The following SPMIP2 variants were observed in gnomAD, a reference collection of about 807,000 sequenced individuals.
The protein encoded by SPMIP2 is sperm microtubule inner protein 2, also known as protein SPMIP2.
At chr4:159,054,303 C>A in the SPMIP2 span, among the ~76,000 whole-genome samples, 1 of 152,126 alleles carries the variant, frequency 6.6e-6, no homozygotes, top group Admixed American at 6.6e-5. Flanking sequence ...ACTATTTCAG[C>A]AATTTTTTTC....
the SPMIP2 span, chr4:159,007,197 G>A: frequency 8.5e-6 from 11 of 1,300,136 alleles, no homozygotes; most frequent in Admixed American, 1.7e-5. Context: ...ATCTTTTCCA[G>A]GAGGCTGAGG....
the SPMIP2 span, among the ~76,000 whole-genome samples, chr4:158,920,899 C>T: frequency 6.6e-6 from 1 of 152,230 alleles, no homozygotes; most frequent in Non-Finnish European, 1.5e-5. Context: ...CCCTCCCCTT[C>T]TGAAACCCTT....
chr4:158,969,162 ATT>A, the SPMIP2 span, among the ~76,000 whole-genome samples: 1 of 152,218 alleles, frequency 6.6e-6, no homozygotes, highest in African/African-American at 2.4e-5. Context: ...GACTTAAATC[ATT>A]TTGTCACGAG....
At chr4:158,930,605 T>C in the SPMIP2 span, among the ~76,000 whole-genome samples, 1 of 151,920 alleles carries the variant, frequency 6.6e-6, no homozygotes, top group African/African-American at 2.4e-5. Flanking sequence ...GATCCTTCTG[T>C]CTCAGCCTCC....
the SPMIP2 span, among the ~76,000 whole-genome samples, chr4:158,901,419 ATT>A: frequency 6.6e-6 from 1 of 151,522 alleles, no homozygotes; most frequent in African/African-American, 2.4e-5. Flanking sequence ...TGCCCTTAAC[ATT>A]TTTTTCCTTC....
chr4:158,957,462 T>C, the SPMIP2 span, among the ~76,000 whole-genome samples: 1 of 152,170 alleles, frequency 6.6e-6, no homozygotes, highest in African/African-American at 2.4e-5. Context: ...ACAGTTTCTC[T>C]GTCGCCCAGG....
chr4:158,919,521 T>C, the SPMIP2 span, among the ~76,000 whole-genome samples: 1 of 152,198 alleles, frequency 6.6e-6, no homozygotes, highest in South Asian at 2.1e-4. Flanking sequence ...AGAATGACCA[T>C]AATTTTGAGT....
chr4:158,974,032 C>A, the SPMIP2 span, among the ~76,000 whole-genome samples: 147,109 of 147,312 alleles, frequency 1, 73,455 homozygotes, highest in East Asian at 1. Flanking sequence ...AAAATTTATC[C>A]CATGCTACAT....
the SPMIP2 span, among the ~76,000 whole-genome samples, chr4:159,031,589 T>C: frequency 1.3e-5 from 2 of 152,380 alleles, no homozygotes; most frequent in Non-Finnish European, 2.9e-5. Flanking sequence ...AATTTTGTTA[T>C]GGAGTTGTTA....
the SPMIP2 span, among the ~76,000 whole-genome samples, chr4:159,022,047 GCT>G: frequency 1.3e-5 from 2 of 152,076 alleles, no homozygotes; most frequent in Non-Finnish European, 2.9e-5. Flanking sequence ...TGCCTACTTT[GCT>G]CTGTTTCCGT....
chr4:159,063,534 A>G, the SPMIP2 span, among the ~76,000 whole-genome samples: 1 of 151,164 alleles, frequency 6.6e-6, no homozygotes, highest in Non-Finnish European at 1.5e-5. Flanking sequence ...TGGGCAACAG[A>G]GCAAAATCCT....
At chr4:159,000,493 T>TC in the SPMIP2 span, among the ~76,000 whole-genome samples, 2 of 126,646 alleles carry the variant, frequency 1.6e-5, no homozygotes. Flanking sequence ...TTCTTCTTCT[T>TC]CTTTTTTTTT....
At chr4:159,022,043 C>A in the SPMIP2 span, among the ~76,000 whole-genome samples, 2 of 152,144 alleles carry the variant, frequency 1.3e-5, no homozygotes, top group East Asian at 3.8e-4. Context: ...AGCATGCCTA[C>A]TTTGCTCTGT....
the SPMIP2 span, among the ~76,000 whole-genome samples, chr4:158,946,009 CTGTAAGAG>C: frequency 1.3e-5 from 2 of 152,154 alleles, no homozygotes; most frequent in Non-Finnish European, 2.9e-5. Flanking sequence ...CTGAAACATG[CTGTAAGAG>C]ATACAGGTCT....
the SPMIP2 span, among the ~76,000 whole-genome samples, chr4:158,949,432 T>C: frequency 6.6e-6 from 1 of 152,162 alleles, no homozygotes; most frequent in Non-Finnish European, 1.5e-5. Flanking sequence ...TCCAGTGGAG[T>C]AGATTCTGTT....
chr4:159,056,188 G>A, the SPMIP2 span, among the ~76,000 whole-genome samples: 4 of 152,230 alleles, frequency 2.6e-5, no homozygotes, highest in African/African-American at 9.6e-5. Context: ...AATGGAAATA[G>A]TCTTGGACCC....
chr4:158,893,813 C>T, the SPMIP2 span: 181 of 770,516 alleles, frequency 2.3e-4, no homozygotes, highest in African/African-American at 2.8e-3. Context: ...CGTCTTGTCA[C>T]AGTTGATATC....
the SPMIP2 span, among the ~76,000 whole-genome samples, chr4:159,028,216 T>C: frequency 6.6e-6 from 1 of 152,248 alleles, no homozygotes; most frequent in South Asian, 2.1e-4. Context: ...TAGTGCCTTT[T>C]TAATTTTATG....
chr4:158,904,041 G>A, the SPMIP2 span, among the ~76,000 whole-genome samples: 27 of 152,138 alleles, frequency 1.8e-4, no homozygotes, highest in African/African-American at 5.1e-4. Context: ...TACCATCATC[G>A]TTTTTCTAAG....
Sources: gnomAD v4.1 joint callset for allele counts (sites outside exome capture counted in the v4.1 genomes callset) on GRCh38, gnomAD v4.1.1 for gene constraint, MANE v1.5 for transcripts, NCBI Gene and HGNC (gene_info 2026-07-23, HGNC 2026-07-21) for gene names.